The following SHLD2 variants were observed in gnomAD, a reference collection of about 807,000 sequenced individuals.
SHLD2 encodes RINN1-REV7-interacting novel NHEJ regulator 2.
Under a neutral mutation model 73.2 loss-of-function variants are expected in SHLD2, and 30 were observed. That is an observed-to-expected ratio of 0.41 (90% CI 0.31 to 0.56). The LOEUF is 0.56. Among genes scored for constraint, SHLD2 ranks in the 20% least tolerant of loss-of-function variants. SHLD2 has a pLI of 0.28. For synonymous variants in SHLD2, 285 were observed against 370.1 expected, an observed-to-expected ratio of 0.77 and a Z score of 2.64; for missense variants, 745 against 1,055.9, an observed-to-expected ratio of 0.71 and a Z score of 4.08.
chr10:87,168,590 C>T (rs1186760927), intron 4 of SHLD2, among the ~76,000 whole-genome samples: 2 of 88,808 alleles, frequency 2.3e-5, no homozygotes, highest in African/African-American at 8.3e-5. Context: ...TAGAGTGACA[C>T]CTTGTCTCAA....
chr10:87,180,160 T>C lies in SHLD2; in HGVS notation c.2256T>C (p.Ser752=). The change falls in exon 8 of 10, where the codon TCT becomes TCC. Residue 752 remains serine, a synonymous_variant. Transcript: ENST00000298786. ...AGATAGCGCTAAATGCTCACAGTTC[T>C]CTGAAGAGTATTTTTTCTTCTCTTC... ...SQKIALNAHS[S]LKSIFSSLPN... The C allele has an allele frequency of 2.5e-6, 4 of 1,613,876 alleles. No individual in the cohort carries two copies. The highest frequency in any genetic ancestry group is 3.4e-6 in the Non-Finnish European group (4 of 1,179,812).
At chr10:87,129,965 A>T (rs1844312585) in intron 2 of SHLD2, among the ~76,000 whole-genome samples, 1 of 151,978 alleles carries the variant, frequency 6.6e-6, no homozygotes, top group Non-Finnish European at 1.5e-5. Context: ...TTATTTATTT[A>T]TTTTTTTATT....
At chr10:87,176,231 C>T (rs1847943980) in intron 7 of SHLD2, 136 bp downstream of exon 7, 1 of 1,281,966 alleles carries the variant, frequency 7.8e-7, no homozygotes, top group East Asian at 2.5e-5. Context: ...AAGTGATTCT[C>T]CCCGTTCAGC....
chr10:87,094,789 G>T, upstream of SHLD2: 1 of 1,521,016 alleles, frequency 6.6e-7, no homozygotes, highest in Non-Finnish European at 8.9e-7. The surrounding 1 kb of genome is among the most constrained non-coding windows in gnomAD (Gnocchi z 6.6). Context: ...CGGAGGGGAG[G>T]TGCGTGATGG....
chr10:87,103,971 C>T (rs1481213323), intron 2 of SHLD2, among the ~76,000 whole-genome samples: 7 of 152,170 alleles, frequency 4.6e-5, no homozygotes, highest in African/African-American at 7.2e-5. Context: ...TGGTGGCTCA[C>T]GCTTGTAATC....
chr10:87,112,290 G>T (rs976465704), intron 2 of SHLD2, among the ~76,000 whole-genome samples: 2 of 149,276 alleles, frequency 1.3e-5, no homozygotes, highest in Non-Finnish European at 3.0e-5. Flanking sequence ...CAAAGAAAAT[G>T]TGCAAATGGC....
chr10:87,163,961 C>CTTTTTT (rs201405790), intron 4 of SHLD2, among the ~76,000 whole-genome samples: 2 of 117,906 alleles, frequency 1.7e-5, no homozygotes, highest in Non-Finnish European at 3.7e-5. Flanking sequence ...CTTTTCTTTT[C>CTTTTTT]TTTTTTTTTT....
intron 2 of SHLD2, among the ~76,000 whole-genome samples, chr10:87,148,204 CT>C (rs1845758054): frequency 6.6e-6 from 1 of 152,170 alleles, no homozygotes. Flanking sequence ...AATTAAGCTC[CT>C]TAAAGCTCTC....
At chr10:87,129,955 T>C (rs1844311635) in intron 2 of SHLD2, among the ~76,000 whole-genome samples, 1 of 152,180 alleles carries the variant, frequency 6.6e-6, no homozygotes, top group African/African-American at 2.4e-5. Context: ...AAAATTCCTT[T>C]TATTTATTTA....
At chr10:87,138,771 A>G (rs1261266676) in intron 2 of SHLD2, among the ~76,000 whole-genome samples, 1 of 152,260 alleles carries the variant, frequency 6.6e-6, no homozygotes, top group Non-Finnish European at 1.5e-5. Context: ...GTAAACAGCT[A>G]GAAAACAGGA....
chr10:87,095,748 A>C (rs987931585), intron 1 of SHLD2, among the ~76,000 whole-genome samples: 4 of 152,206 alleles, frequency 2.6e-5, no homozygotes, highest in African/African-American at 9.6e-5. Context: ...GTCGCCCCAC[A>C]GTACTGACTG....
intron 4 of SHLD2, among the ~76,000 whole-genome samples, chr10:87,162,641 C>T (rs1846898727): frequency 1.3e-5 from 2 of 152,064 alleles, no homozygotes; most frequent in Admixed American, 6.6e-5. Flanking sequence ...CTGCAGTGAG[C>T]TGTATTCATG....
chr10:87,141,000 C>T (rs1466413917), intron 2 of SHLD2, among the ~76,000 whole-genome samples: 1 of 151,244 alleles, frequency 6.6e-6, no homozygotes, highest in Non-Finnish European at 1.5e-5. Context: ...CAAAAAAAGG[C>T]GAGGCACAGT....
chr10:87,169,430 T>C (rs939391314), intron 4 of SHLD2, among the ~76,000 whole-genome samples: 8 of 151,976 alleles, frequency 5.3e-5, no homozygotes, highest in African/African-American at 1.7e-4. Flanking sequence ...CCTTCAAACA[T>C]ATACAAAAGT....
At chr10:87,177,534 T>C (rs1224296209) in intron 7 of SHLD2, among the ~76,000 whole-genome samples, 1 of 152,242 alleles carries the variant, frequency 6.6e-6, no homozygotes, top group Non-Finnish European at 1.5e-5. Context: ...TCTTTCATTC[T>C]CTTTATGTTC....
chr10:87,161,384 G>GC (rs1179573775), intron 4 of SHLD2, among the ~76,000 whole-genome samples: 1 of 152,176 alleles, frequency 6.6e-6, no homozygotes, highest in Non-Finnish European at 1.5e-5. Flanking sequence ...GGATGAGGTT[G>GC]CAGTGAGCTG....
At position 87,177,555 on chromosome 10, in the gene SHLD2, G is replaced by T. The variant is rs185147308; in HGVS notation, c.2170+1460G>T. Among the ~76,000 whole-genome samples the T allele has an allele frequency of 1.1e-3, 167 of 152,286 alleles. 3 individuals are homozygous for T. The East Asian group carries it at 0.026, about 24-fold the overall frequency. On this transcript the variant is annotated intron_variant, in intron 7 of 9. Coordinates refer to ENST00000298786, the MANE Select transcript of SHLD2 (RefSeq NM_001330112.2). ...ATTCTCTTTATGTTCAGCTATGAGG[G>T]CTGAATTCATAGTTTCTGTCATAGT...
chr10:87,179,219 T>G (rs1848144605), intron 7 of SHLD2, among the ~76,000 whole-genome samples: 1 of 152,192 alleles, frequency 6.6e-6, no homozygotes, highest in Admixed American at 6.5e-5. Context: ...AGCAGTGAAT[T>G]ATGAATATGC....
intron 4 of SHLD2, among the ~76,000 whole-genome samples, chr10:87,163,343 C>T (rs1006163980): frequency 5.9e-5 from 9 of 151,832 alleles, no homozygotes; most frequent in African/African-American, 2.2e-4. Flanking sequence ...CTACAGGGGG[C>T]ACATAGGAGA....
Sources: allele counts gnomAD v4.1 joint callset (sites outside exome capture counted in the v4.1 genomes callset), GRCh38; gene constraint gnomAD v4.1.1; non-coding constraint Gnocchi (gnomAD v3.1); transcripts MANE v1.5; gene names NCBI Gene and HGNC (gene_info 2026-07-23, HGNC 2026-07-21).